RNGTT: variants seen among roughly 807,000 people sequenced by gnomAD.
RNGTT encodes mRNA-capping enzyme.
RNGTT carries 33 observed loss-of-function variants against 79.3 expected under a neutral mutation model. That is an observed-to-expected ratio of 0.42 (90% CI 0.32 to 0.56). The LOEUF (loss-of-function observed/expected upper bound fraction) is 0.56, where lower values mean the gene tolerates loss of function less well. Among genes scored for constraint, RNGTT ranks in the 20% least tolerant of loss-of-function variants. The pLI is 0.17. For synonymous variants in RNGTT, 222 were observed against 235.9 expected, an observed-to-expected ratio of 0.94 and a Z score of 0.54; for missense variants, 497 against 739.1, an observed-to-expected ratio of 0.67 and a Z score of 3.80.
intron 13 of RNGTT, among the ~76,000 whole-genome samples, chr6:88,720,310 T>C (rs1204750255): frequency 1.3e-5 from 2 of 152,120 alleles, no homozygotes; most frequent in African/African-American, 4.8e-5. Context: ...TCACATATTT[T>C]TTCTGCCCTA....
At chr6:88,838,678 T>G (rs975399380) in intron 11 of RNGTT, among the ~76,000 whole-genome samples, 1 of 152,158 alleles carries the variant, frequency 6.6e-6, no homozygotes, top group African/African-American at 2.4e-5. Context: ...ATGATGTTAG[T>G]TCTTCCCCAA....
At chr6:88,760,233 T>G (rs1778165043) in intron 13 of RNGTT, among the ~76,000 whole-genome samples, 1 of 152,140 alleles carries the variant, frequency 6.6e-6, no homozygotes, top group Non-Finnish European at 1.5e-5. Context: ...ATGATGTTGG[T>G]TTTTGGTAAG....
At chr6:88,754,860 G>GA (rs1777955818) in intron 13 of RNGTT, among the ~76,000 whole-genome samples, 1 of 152,152 alleles carries the variant, frequency 6.6e-6, no homozygotes, top group South Asian at 2.1e-4. Flanking sequence ...TTCCCATAAG[G>GA]AATACTTTTA....
chr6:88,899,101 A>G (rs1783358209), intron 6 of RNGTT, among the ~76,000 whole-genome samples: 1 of 151,842 alleles, frequency 6.6e-6, no homozygotes, highest in Non-Finnish European at 1.5e-5. Flanking sequence ...TTTACTAATT[A>G]TGGTTTGAAA....
At chr6:88,619,683 T>TC (rs1413940650) in intron 14 of RNGTT, among the ~76,000 whole-genome samples, 1 of 152,262 alleles carries the variant, frequency 6.6e-6, no homozygotes, top group Non-Finnish European at 1.5e-5. Flanking sequence ...ACCATTTTTT[T>TC]CTTTTCTGAA....
At chr6:88,956,027 C>A (rs1216655749) in intron 1 of RNGTT, among the ~76,000 whole-genome samples, 4 of 116,450 alleles carry the variant, frequency 3.4e-5, no homozygotes, top group African/African-American at 1.4e-4. Context: ...GGTGACAGAG[C>A]GAGACTCTGT....
intron 14 of RNGTT, among the ~76,000 whole-genome samples, chr6:88,661,361 A>C (rs1562177879): frequency 1.3e-5 from 2 of 152,170 alleles, no homozygotes; most frequent in Non-Finnish European, 1.5e-5. Context: ...GCAATACAAA[A>C]GATAAATAAA....
chr6:88,647,427 A>G (rs1483948764), intron 14 of RNGTT, among the ~76,000 whole-genome samples: 1 of 152,144 alleles, frequency 6.6e-6, no homozygotes, highest in East Asian at 1.9e-4. Context: ...CACAATGAAA[A>G]TATGTACTGA....
chr6:88,629,974 C>T (rs547704661), intron 14 of RNGTT, among the ~76,000 whole-genome samples: 17 of 152,218 alleles, frequency 1.1e-4, no homozygotes, highest in African/African-American at 3.9e-4. Flanking sequence ...TAAGAAATCA[C>T]CATGTGAGTC....
intron 13 of RNGTT, among the ~76,000 whole-genome samples, chr6:88,764,432 A>G (rs963555215): frequency 1.3e-5 from 2 of 152,216 alleles, no homozygotes; most frequent in Non-Finnish European, 2.9e-5. Flanking sequence ...ACCAATTTCT[A>G]AAAGATACTA....
chr6:88,930,638 C>G (rs1455866656), intron 2 of RNGTT, among the ~76,000 whole-genome samples: 1 of 152,004 alleles, frequency 6.6e-6, no homozygotes, highest in Non-Finnish European at 1.5e-5. Context: ...AAATTAAGAA[C>G]ACTACAGAAG....
intron 8 of RNGTT, among the ~76,000 whole-genome samples, chr6:88,876,212 T>A (rs1424332966): frequency 1.3e-5 from 2 of 152,168 alleles, no homozygotes; most frequent in African/African-American, 4.8e-5. Context: ...AATATACTCA[T>A]GTTAAGATAA....
chr6:88,770,172 T>C (rs1778602175), intron 12 of RNGTT, among the ~76,000 whole-genome samples: 1 of 152,188 alleles, frequency 6.6e-6, no homozygotes, highest in Non-Finnish European at 1.5e-5. Context: ...TGCTTTTTTT[T>C]CTTGTTCAGC....
At chr6:88,939,797 C>T (rs946365779) in intron 2 of RNGTT, among the ~76,000 whole-genome samples, 1 of 151,176 alleles carries the variant, frequency 6.6e-6, no homozygotes, top group Non-Finnish European at 1.5e-5. Flanking sequence ...GTCACACTAT[C>T]GCCCAGGCTG....
intron 12 of RNGTT, among the ~76,000 whole-genome samples, chr6:88,798,068 T>C (rs114930618): frequency 0.02 from 3,106 of 152,140 alleles, 114 homozygotes; most frequent in African/African-American, 0.069. Flanking sequence ...CTCATTTAAT[T>C]GGTTTTTTTA....
intron 10 of RNGTT, among the ~76,000 whole-genome samples, chr6:88,846,393 G>T (rs1340868782): frequency 6.6e-6 from 1 of 151,988 alleles, no homozygotes; most frequent in Admixed American, 6.6e-5. Flanking sequence ...AAGTAATCTG[G>T]CCCTCTACTT....
At chr6:88,956,850 C>A (rs1785448272) in intron 1 of RNGTT, among the ~76,000 whole-genome samples, 1 of 152,008 alleles carries the variant, frequency 6.6e-6, no homozygotes, top group Non-Finnish European at 1.5e-5. Flanking sequence ...ACCAGCCTGG[C>A]CAACGTGGTG....
At chr6:88,807,926 C>CA (rs1366214987) in intron 11 of RNGTT, among the ~76,000 whole-genome samples, 1 of 152,036 alleles carries the variant, frequency 6.6e-6, no homozygotes, top group Non-Finnish European at 1.5e-5. Flanking sequence ...TTAATAGAAA[C>CA]AATGTCAATC....
chr6:88,948,454 C>G (rs1582167102), intron 1 of RNGTT, among the ~76,000 whole-genome samples: 15 of 143,140 alleles, frequency 1.0e-4, no homozygotes, highest in South Asian at 4.6e-4. Context: ...AGGAGCCCCT[C>G]TGCCCGGCCA....
Sources: gnomAD v4.1 joint callset for allele counts (sites outside exome capture counted in the v4.1 genomes callset) on GRCh38, gnomAD v4.1.1 for gene constraint, MANE v1.5 for transcripts, NCBI Gene and HGNC (gene_info 2026-07-23, HGNC 2026-07-21) for gene names.